Variants in PSD3 observed in about 807,000 individuals in gnomAD.
PSD3 encodes PH and SEC7 domain-containing protein 3.
In PSD3, 49 loss-of-function variants were observed where a neutral mutation model predicts 105.5. The ratio of observed to expected loss-of-function variants is 0.46; its 90% CI spans 0.37 to 0.59. PSD3 has a LOEUF of 0.59. Among genes scored for constraint, PSD3 ranks in the 20% least tolerant of loss-of-function variants. PSD3 has a pLI of 0.00. For missense variants in PSD3, 1,561 were observed against 1,263.8 expected, an observed-to-expected ratio of 1.24 and a Z score of -3.57; for synonymous variants, 557 against 457.8, an observed-to-expected ratio of 1.22 and a Z score of -2.77.
intron 14 of PSD3, among the ~76,000 whole-genome samples, 176 bp from the exon 15 acceptor site, chr8:18,556,528 T>C (rs1197198511): frequency 1.3e-5 from 2 of 152,234 alleles, no homozygotes; most frequent in East Asian, 3.8e-4. Flanking sequence ...ATATTTCATA[T>C]ATTCCTTCCC....
chr8:18,865,233 T>C (rs1161053807), intron 4 of PSD3: 3 of 4,246 alleles, frequency 7.1e-4, no homozygotes, highest in African/African-American at 2.3e-3. Context: ...GTTATATATA[T>C]ATATATATAT....
chr8:18,808,712 T>A, intron 4 of PSD3: 1 of 1,613,776 alleles, frequency 6.2e-7, no homozygotes, highest in Non-Finnish European at 8.5e-7. Context: ...ATTGCTCCTT[T>A]TAAATCAGAA....
chr8:18,585,917 G>A (rs1256736202), intron 12 of PSD3, among the ~76,000 whole-genome samples: 1 of 152,126 alleles, frequency 6.6e-6, no homozygotes, highest in Non-Finnish European at 1.5e-5. Flanking sequence ...ACTGGAGTAT[G>A]ACTCTTCGTA....
At chr8:18,566,091 C>A (rs1025613161) in intron 14 of PSD3, among the ~76,000 whole-genome samples, 1 of 152,064 alleles carries the variant, frequency 6.6e-6, no homozygotes, top group East Asian at 1.9e-4. Flanking sequence ...ACACTATGAC[C>A]CCAGTATAGA....
At chr8:18,909,407 T>C (rs1013989827) in intron 2 of PSD3, among the ~76,000 whole-genome samples, 9 of 152,168 alleles carry the variant, frequency 5.9e-5, no homozygotes, top group South Asian at 2.1e-4. Flanking sequence ...CACAGATAAC[T>C]TAGCTATGGA....
intron 9 of PSD3, among the ~76,000 whole-genome samples, chr8:18,679,417 G>A (rs1227645267): frequency 3.9e-5 from 6 of 152,200 alleles, no homozygotes; most frequent in African/African-American, 1.2e-4. Flanking sequence ...CAGAGCAGAG[G>A]TTTGGAGCAA....
At chr8:18,712,779 C>T (rs558735268) in intron 9 of PSD3, among the ~76,000 whole-genome samples, 22 of 152,218 alleles carry the variant, frequency 1.4e-4, no homozygotes, top group Non-Finnish European at 3.2e-4. Context: ...CCCTTACTCG[C>T]GTTATGAGGC....
At chr8:19,038,458 T>C (rs1828016890) in intron 1 of PSD3, among the ~76,000 whole-genome samples, 1 of 152,184 alleles carries the variant, frequency 6.6e-6, no homozygotes, top group South Asian at 2.1e-4. Context: ...TATTTATTTA[T>C]CTATTTGTCT....
chr8:19,005,880 C>T (rs1436047501), intron 1 of PSD3, among the ~76,000 whole-genome samples: 3 of 151,820 alleles, frequency 2.0e-5, no homozygotes, highest in Non-Finnish European at 2.9e-5. Flanking sequence ...AATGAGTGTA[C>T]ACTTTAAATG....
At chr8:19,047,083 G>C (rs1261317396) in intron 1 of PSD3, among the ~76,000 whole-genome samples, 1 of 152,180 alleles carries the variant, frequency 6.6e-6, no homozygotes, top group African/African-American at 2.4e-5. Flanking sequence ...TTGCCAGCAG[G>C]CCTCTTATTC....
chr8:18,945,274 C>T (rs1822789161), intron 1 of PSD3, among the ~76,000 whole-genome samples: 2 of 150,494 alleles, frequency 1.3e-5, no homozygotes, highest in Admixed American at 6.7e-5. Flanking sequence ...CCCTAAATGA[C>T]ATCACATGTA....
At chr8:18,776,391 T>TG (rs1163239700) in intron 8 of PSD3, among the ~76,000 whole-genome samples, 3 of 148,442 alleles carry the variant, frequency 2.0e-5, no homozygotes, top group Non-Finnish European at 4.5e-5. Flanking sequence ...TAATTTTTTT[T>TG]TTTTGTTTTT....
chr8:19,068,482 G>A (rs972564409), intron 1 of PSD3, among the ~76,000 whole-genome samples: 3 of 152,036 alleles, frequency 2.0e-5, no homozygotes, highest in Non-Finnish European at 4.4e-5. Flanking sequence ...GTAGAGACAA[G>A]GTTTCACTAT....
intron 1 of PSD3, among the ~76,000 whole-genome samples, chr8:19,054,709 C>A (rs759501702): frequency 6.6e-6 from 1 of 152,076 alleles, no homozygotes; most frequent in Non-Finnish European, 1.5e-5. Context: ...TTTTGTAAAA[C>A]TGAGATTAAA....
In PSD3 at chr8:18,665,122, G is replaced by A. The variant is rs139050737; in HGVS notation, c.2173-9437C>T. The stretch of plus-strand genomic sequence containing the variant: ...ATCAAGAAGTGATTTCTACTGCCAA[G>A]TCTTATTATTTAAATACATTTCACA... On this transcript the variant is annotated intron_variant, in intron 9 of 15. Coordinates refer to ENST00000327040, the MANE Select transcript of PSD3 (RefSeq NM_015310.4). Among the ~76,000 whole-genome samples the A allele has an allele frequency of 1.7e-3, 252 of 152,296 alleles. 1 individual carries two copies. Among genetic ancestry groups the A allele is most frequent in the African/African-American group, 5.4e-3 (224 of 41,550 alleles).
At chr8:18,549,177 GTTTTTTT>G (rs60419038) in intron 15 of PSD3, among the ~76,000 whole-genome samples, 1 of 115,790 alleles carries the variant, frequency 8.6e-6, no homozygotes, top group Non-Finnish European at 1.8e-5. Context: ...TCTATTCTCA[GTTTTTTT>G]TTTTTTTTTT....
chr8:18,867,574 T>C, intron 4 of PSD3, 100 bp downstream of exon 4: 7 of 1,411,008 alleles, frequency 5.0e-6, no homozygotes, highest in South Asian at 1.4e-5. Context: ...TCCACAGAAA[T>C]TGGCCAAATG....
chr8:18,854,246 C>G (rs1275818258), intron 4 of PSD3: 2 of 152,998 alleles, frequency 1.3e-5, no homozygotes, highest in East Asian at 3.9e-4. Flanking sequence ...CTGCTACACA[C>G]TGACTCCGCA....
chr8:18,666,295 C>T (rs1385044437), intron 9 of PSD3, among the ~76,000 whole-genome samples: 1 of 152,234 alleles, frequency 6.6e-6, no homozygotes, highest in Non-Finnish European at 1.5e-5. Flanking sequence ...AGGTGATCCG[C>T]CCGCTTTGGC....
Sources: allele counts gnomAD v4.1 joint callset (sites outside exome capture counted in the v4.1 genomes callset), GRCh38; gene constraint gnomAD v4.1.1; transcripts MANE v1.5; gene names NCBI Gene and HGNC (gene_info 2026-07-23, HGNC 2026-07-21).